TECRL: variants seen among roughly 807,000 people sequenced by gnomAD.
The protein encoded by TECRL is trans-2,3-enoyl-CoA reductase like, also known as trans-2,3-enoyl-CoA reductase-like.
Under a neutral mutation model 52.8 loss-of-function variants are expected in TECRL, and 63 were observed. That is an observed-to-expected ratio of 1.19 (90% CI 0.97 to 1.47). TECRL has a LOEUF of 1.47. TECRL is among the 40% of genes most tolerant of loss of function. The pLI, the probability that TECRL is intolerant of heterozygous loss-of-function variation, is 0.00. For missense variants in TECRL, 482 were observed against 429.6 expected (o/e 1.12, Z -1.08); for synonymous variants, 164 against 141.9 (o/e 1.16, Z -1.10).
chr4:64,326,047 A>G (rs1718239035), intron 3 of TECRL, among the ~76,000 whole-genome samples: 1 of 152,076 alleles, frequency 6.6e-6, no homozygotes, highest in Non-Finnish European at 1.5e-5. Flanking sequence ...TGCTTCAGCC[A>G]CTTAAGGGCC....
intron 9 of TECRL, among the ~76,000 whole-genome samples, chr4:64,284,825 T>G (rs933522327): frequency 2.6e-5 from 4 of 152,190 alleles, no homozygotes; most frequent in African/African-American, 9.6e-5. Flanking sequence ...AGACAGCTGG[T>G]GCAATGTCAG....
chr4:64,375,903 A>G (rs1349612863), intron 1 of TECRL, among the ~76,000 whole-genome samples: 2 of 151,914 alleles, frequency 1.3e-5, no homozygotes, highest in African/African-American at 2.4e-5. Context: ...AAATACTTCA[A>G]GCCATCGCAA....
intron 2 of TECRL, among the ~76,000 whole-genome samples, chr4:64,349,892 A>G (rs1387735556): frequency 6.6e-6 from 1 of 152,166 alleles, no homozygotes; most frequent in African/African-American, 2.4e-5. Context: ...CAAAAAGACT[A>G]CTTACCAACT....
At chr4:64,290,261 T>C (rs1356163690) in intron 8 of TECRL, among the ~76,000 whole-genome samples, 1 of 152,152 alleles carries the variant, frequency 6.6e-6, no homozygotes, top group East Asian at 1.9e-4. Flanking sequence ...TTCTCTGTCA[T>C]CATGACCTCT....
intron 1 of TECRL, among the ~76,000 whole-genome samples, chr4:64,407,243 G>A (rs17084841): frequency 0.018 from 2,695 of 152,100 alleles, 80 homozygotes; most frequent in African/African-American, 0.061. Flanking sequence ...TTTCTATAAA[G>A]ATCTGCCACT....
chr4:64,277,002 G>T (rs1460307188), downstream of TECRL: 4 of 1,465,762 alleles, frequency 2.7e-6, no homozygotes, highest in Non-Finnish European at 3.7e-6. Flanking sequence ...CAACAAGATG[G>T]TGTAAATTTG....
chr4:64,331,715 G>A (rs974931426), intron 2 of TECRL, among the ~76,000 whole-genome samples: 2 of 152,032 alleles, frequency 1.3e-5, no homozygotes, highest in African/African-American at 2.4e-5. Context: ...AAAACCTTTT[G>A]TACCTTATGA....
At chr4:64,404,073 A>G (rs1170077748) in intron 1 of TECRL, among the ~76,000 whole-genome samples, 1 of 152,062 alleles carries the variant, frequency 6.6e-6, no homozygotes, top group African/African-American at 2.4e-5. Flanking sequence ...TTACAAAGGT[A>G]TAATTTGTAT....
At chr4:64,321,922 A>C (rs1717927518) in intron 4 of TECRL, among the ~76,000 whole-genome samples, 1 of 152,312 alleles carries the variant, frequency 6.6e-6, no homozygotes, top group Non-Finnish European at 1.5e-5. Context: ...CAGTGTCAAA[A>C]GAATCTGTGA....
intron 1 of TECRL, among the ~76,000 whole-genome samples, chr4:64,403,471 G>A (rs796662824): frequency 9.0e-4 from 52 of 57,824 alleles, no homozygotes; most frequent in African/African-American, 2.3e-3. Context: ...TTCCCTCCCT[G>A]AGCGCACACA....
At chr4:64,345,949 A>C (rs1221605284) in intron 2 of TECRL, among the ~76,000 whole-genome samples, 3 of 144,862 alleles carry the variant, frequency 2.1e-5, no homozygotes, top group Non-Finnish European at 4.5e-5. Context: ...CATATCCCTC[A>C]AAGTATTAAG....
At chr4:64,337,145 C>T (rs760968770) in intron 2 of TECRL, among the ~76,000 whole-genome samples, 32 of 152,170 alleles carry the variant, frequency 2.1e-4, no homozygotes, top group Middle Eastern at 3.4e-3. Flanking sequence ...TCAACATAAT[C>T]CAGCATATAA....
At chr4:64,315,339 G>A (rs543479819) in intron 4 of TECRL, among the ~76,000 whole-genome samples, 4 of 151,996 alleles carry the variant, frequency 2.6e-5, no homozygotes, top group African/African-American at 9.7e-5. Flanking sequence ...CTGAGTGGGG[G>A]TAACCATATT....
chr4:64,299,274 G>A (rs575827966), intron 8 of TECRL: 1 of 151,192 alleles, frequency 6.6e-6, no homozygotes, highest in South Asian at 2.1e-4. Context: ...TTAGAAATAA[G>A]TTGTTGAACA....
At chr4:64,322,296 A>C (rs1287762099) in intron 4 of TECRL, among the ~76,000 whole-genome samples, 1 of 151,972 alleles carries the variant, frequency 6.6e-6, no homozygotes, top group African/African-American at 2.4e-5. Flanking sequence ...CTGAGCTCCC[A>C]TCTCCTCAGG....
intron 8 of TECRL, among the ~76,000 whole-genome samples, chr4:64,295,545 A>G (rs914113403): frequency 6.6e-6 from 1 of 151,540 alleles, no homozygotes; most frequent in African/African-American, 2.4e-5. Flanking sequence ...ACATAAAAAT[A>G]TGAAAATATA....
chr4:64,370,677 A>T (rs991296127), intron 2 of TECRL, among the ~76,000 whole-genome samples: 3 of 151,794 alleles, frequency 2.0e-5, no homozygotes, highest in African/African-American at 7.2e-5. Context: ...TAGTTATCCT[A>T]AACAATTTTG....
chr4:64,311,980 A>G (rs1577850463), intron 5 of TECRL, among the ~76,000 whole-genome samples: 1 of 152,198 alleles, frequency 6.6e-6, no homozygotes. Context: ...TTTCTGTTGA[A>G]GAAGATAAGG....
At chr4:64,375,004 T>C (rs899754201) in intron 2 of TECRL, among the ~76,000 whole-genome samples, 168 bp downstream of exon 2, 2 of 152,140 alleles carry the variant, frequency 1.3e-5, no homozygotes, top group African/African-American at 2.4e-5. Flanking sequence ...TAGAGTTAAA[T>C]GCTAGAATAT....
Sources: gnomAD v4.1 joint callset for allele counts (sites outside exome capture counted in the v4.1 genomes callset) on GRCh38, gnomAD v4.1.1 for gene constraint, MANE v1.5 for transcripts, NCBI Gene and HGNC (gene_info 2026-07-23, HGNC 2026-07-21) for gene names.